Variants in DIAPH1 observed in about 807,000 individuals in gnomAD.
The protein encoded by DIAPH1 is diaphanous related formin 1.
A neutral mutation model predicts 140.7 loss-of-function variants in DIAPH1; 46 were observed. That is an observed-to-expected ratio of 0.33 (90% confidence interval 0.26 to 0.42). The LOEUF (loss-of-function observed/expected upper bound fraction) is 0.42, where lower values mean the gene tolerates loss of function less well. Ranked by LOEUF, DIAPH1 falls within the 10% of genes least tolerant of loss-of-function variation. DIAPH1 has a pLI of 1.00. For missense variants in DIAPH1, 1,310 were observed against 1,558.7 expected (o/e 0.84, Z 2.69); for synonymous variants, 565 against 551.6 (o/e 1.02, Z -0.34).
chr5:141,592,844 A>T (rs1487527676), intron 1 of DIAPH1, among the ~76,000 whole-genome samples: 2 of 152,200 alleles, frequency 1.3e-5, no homozygotes, highest in Admixed American at 1.3e-4. Context: ...AAAATATCCA[A>T]ATCTGGCTTA....
Position 141,527,488 on chromosome 5 carries a change from G to A in DIAPH1, c.3273+85C>T, listed in dbSNP as rs748487833. 141 of 1,456,642 alleles carry A rather than the reference G, an allele frequency of 9.7e-5. 1 individual carries two copies. Among genetic ancestry groups the A allele is most frequent in the Middle Eastern group, 5.3e-4 (3 of 5,620 alleles). The allele number at this position is 1,456,642 out of a possible 1,614,324, so 90.2% of individuals were successfully genotyped here. A position where few individuals can be genotyped will look rare whatever the true frequency, so the allele number is the denominator to read the frequency against. On this transcript the variant is annotated intron_variant, in intron 24 of 27. Coordinates refer to ENST00000389054, the MANE Select transcript of DIAPH1 (RefSeq NM_005219.5). ...TTTTAAGAGAAAAAAATTGCATACTGCCCTATCTATCCTGTTTTTCCCCCA... is the reference window on the plus strand; with the variant it reads ...TTTTAAGAGAAAAAAATTGCATACTACCCTATCTATCCTGTTTTTCCCCCA...
chr5:141,564,173 A>C (rs554683922), intron 18 of DIAPH1: 1 of 152,362 alleles, frequency 6.6e-6, no homozygotes, highest in East Asian at 1.9e-4. Flanking sequence ...CTACTATTGA[A>C]AATACTAGCT....
In DIAPH1 at chr5:141,516,720, A is replaced by G; in HGVS notation, c.*131T>C. On this transcript the variant is annotated 3_prime_UTR_variant, in exon 28 of 28. Coordinates refer to ENST00000389054, the MANE Select transcript of DIAPH1 (RefSeq NM_005219.5). ...TGATGTTGAGAGAGCAGCAGGCCAG[A>G]GAGAAAGACAGGGTCAGGGTGGTGG... 2.1e-6 allele frequency: 2 copies of G among 970,770 alleles called. No individual in the cohort carries two copies. The highest frequency in any genetic ancestry group is 3.2e-6 in the Non-Finnish European group (2 of 627,168). The allele number at this position is 970,770 out of a possible 1,614,324, so 60.1% of individuals were successfully genotyped here. A position where few individuals can be genotyped will look rare whatever the true frequency, so the allele number is the denominator to read the frequency against.
chr5:141,568,340 CAA>C (rs1562315875), intron 18 of DIAPH1, among the ~76,000 whole-genome samples: 2 of 148,256 alleles, frequency 1.3e-5, no homozygotes. Flanking sequence ...CCAAGAAATT[CAA>C]AAAGAGTCAA....
At chr5:141,522,550 T>G (rs1238521307) in intron 27 of DIAPH1, among the ~76,000 whole-genome samples, 2 of 139,308 alleles carry the variant, frequency 1.4e-5, no homozygotes, top group East Asian at 4.1e-4. Flanking sequence ...CCACCAAAAT[T>G]CTGATGCAGG....
chr5:141,569,199 T>C lies in DIAPH1; in HGVS notation c.2482+2229A>G, dbSNP rs142547684. ...AAGTACATACACACTTCCTAAGAAG[T>C]AGAAGGCTAGAGCAAGGACTTTGGA... On this transcript the variant is annotated intron_variant, in intron 18 of 27. Transcript: ENST00000389054. 9.7e-4 allele frequency among the ~76,000 whole-genome samples: 148 copies of C among 152,246 alleles called. 2 individuals carry two copies. Among genetic ancestry groups the C allele is most frequent in the Middle Eastern group, 3.4e-3 (1 of 294 alleles).
intron 18 of DIAPH1, among the ~76,000 whole-genome samples, chr5:141,553,118 CCT>C (rs1248534419): frequency 6.6e-6 from 1 of 151,798 alleles, no homozygotes; most frequent in Non-Finnish European, 1.5e-5. Flanking sequence ...GTGAAAAAAC[CCT>C]GTCTCTACTA....
Position 141,573,785 on chromosome 5 carries a change from G to T in DIAPH1, c.2065C>A (p.Pro689Thr). 3.7e-6 allele frequency: 5 copies of T among 1,347,070 alleles called. No homozygotes were observed. Among genetic ancestry groups the T allele is most frequent in the East Asian group, 3.4e-5 (1 of 29,258 alleles). The allele number at this position is 1,347,070 out of a possible 1,614,324, so 83.4% of individuals were successfully genotyped here. The change falls in exon 16 of 28, where the codon CCA becomes ACA. Residue 689 changes from proline (P) to threonine (T), a missense_variant. This residue lies in a region of DIAPH1 where 589 missense variants were observed against 549.3 expected (regional missense o/e 1.07). Transcript: ENST00000389054. Reference sequence around the variant, plus strand: ...CTCCCAGGCAAAGGAGGTGGTGGTGGGGGGATTCTAGCACTCCCAGGCAAA... The same window carrying T: ...CTCCCAGGCAAAGGAGGTGGTGGTGTGGGGATTCTAGCACTCCCAGGCAAA... Reference protein sequence around the residue: ...PPLPGSARIPPPPPPLPGSAG... With the variant: ...PPLPGSARIPTPPPPLPGSAG...
chr5:141,585,239 G>A (rs932020397), intron 3 of DIAPH1, among the ~76,000 whole-genome samples: 1 of 152,116 alleles, frequency 6.6e-6, no homozygotes, highest in African/African-American at 2.4e-5. Context: ...ACAGGTGTGA[G>A]CCACCACTGC....
At chr5:141,599,730 A>T (rs144010709) in intron 1 of DIAPH1, among the ~76,000 whole-genome samples, 28 of 152,332 alleles carry the variant, frequency 1.8e-4, no homozygotes, top group African/African-American at 6.7e-4. Flanking sequence ...AGTGTGAGGA[A>T]CATGTTTAAT....
chr5:141,545,446 C>T (rs539881720), intron 18 of DIAPH1, among the ~76,000 whole-genome samples: 3 of 152,128 alleles, frequency 2.0e-5, no homozygotes, highest in African/African-American at 7.2e-5. Context: ...AGTCCAGGAG[C>T]TCGAGACCAG....
intron 18 of DIAPH1, chr5:141,560,540 G>A (rs2099893361): frequency 6.2e-6 from 1 of 162,008 alleles, no homozygotes; most frequent in African/African-American, 2.4e-5. Context: ...TTTGATAATT[G>A]GAAATAATAG....
chr5:141,530,309 G>C (rs1000659311), intron 19 of DIAPH1, among the ~76,000 whole-genome samples: 2 of 152,040 alleles, frequency 1.3e-5, no homozygotes, highest in African/African-American at 4.8e-5. Context: ...TGATATATCA[G>C]TTCCACTCTG....
chr5:141,618,981 C>T lies in DIAPH1; in HGVS notation c.-67G>A, dbSNP rs2099903173. 2 of 879,042 alleles carry T rather than the reference C, an allele frequency of 2.3e-6. No homozygotes were observed. The highest frequency in any genetic ancestry group is 3.2e-6 in the Non-Finnish European group (2 of 631,248). 54.5% of individuals were successfully genotyped at this position (879,042 alleles called of 1,614,324 possible). A position where few individuals can be genotyped will look rare whatever the true frequency, so the allele number is the denominator to read the frequency against. On this transcript the variant is annotated 5_prime_UTR_variant, in exon 1 of 28. Transcript: ENST00000389054. ...TCCCGCCTGGCAGCTCCGCGCCCGC[C>T]GCCGCCCAGTCGCTCTTTAGCCAGC...
chr5:141,598,629 G>A (rs1182994044), intron 1 of DIAPH1, among the ~76,000 whole-genome samples: 1 of 152,054 alleles, frequency 6.6e-6, no homozygotes, highest in Non-Finnish European at 1.5e-5. Context: ...TATGTGGTAA[G>A]ATAAATCTTT....
At chr5:141,576,102 G>A in intron 14 of DIAPH1, 128 bp downstream of exon 14, 1 of 778,782 alleles carries the variant, frequency 1.3e-6, no homozygotes, top group South Asian at 1.5e-5. Context: ...GTTTCCCCTG[G>A]GAACTACACT....
In DIAPH1 at chr5:141,578,730, C is replaced by T. The variant is rs568006536; in HGVS notation, c.934-105G>A. 66 of 872,624 alleles carry T rather than the reference C, an allele frequency of 7.6e-5. No individual in the cohort carries two copies. The African/African-American group carries it at 1.0e-3, about 13-fold the overall frequency. 54.1% of individuals were successfully genotyped at this position (872,624 alleles called of 1,614,324 possible). A position where few individuals can be genotyped will look rare whatever the true frequency, so the allele number is the denominator to read the frequency against. On this transcript the variant is annotated intron_variant, in intron 9 of 27. Transcript: ENST00000389054. ...GGTCCCCAATACAACCTGAAAGATA[C>T]AATACAAAAACTCTAAAGATGACTT...
intron 1 of DIAPH1, among the ~76,000 whole-genome samples, chr5:141,599,138 C>T (rs1234071514): frequency 1.3e-5 from 2 of 152,192 alleles, no homozygotes; most frequent in African/African-American, 4.8e-5. Context: ...TTGGGTAGTT[C>T]TTAGCAGCAG....
Position 141,527,712 on chromosome 5 carries a change from A to AAAAAAAAAAAAC in DIAPH1, c.3149-16_3149-15insGTTTTTTTTTTT. 1 of 1,567,116 alleles carries AAAAAAAAAAAAC rather than the reference A, an allele frequency of 6.4e-7. No individual in the cohort carries two copies. On this transcript the variant is annotated splice_polypyrimidine_tract_variant and intron_variant, in intron 23 of 27. Transcript: ENST00000389054. ...TTCAGCAGAAACTAAAAAAAAAAAA[A>AAAAAAAAAAAAC]AAAAAAAAAACCATAAAAACAGACA... is the stretch of plus-strand genomic sequence containing the variant.
Sources: gnomAD v4.1 joint callset for allele counts (sites outside exome capture counted in the v4.1 genomes callset) on GRCh38, gnomAD v4.1.1 for gene constraint, gnomAD v4.1.1 regional missense constraint, MANE v1.5 for transcripts, NCBI Gene and HGNC (gene_info 2026-07-23, HGNC 2026-07-21) for gene names.